The following MB21D2 variants were observed in gnomAD, a reference collection of about 807,000 sequenced individuals.
MB21D2 encodes the protein nucleotidyltransferase MB21D2.
In MB21D2, 9 loss-of-function variants were observed where a neutral mutation model predicts 33.3. That is an observed-to-expected ratio of 0.27 (90% CI 0.16 to 0.47). The LOEUF (loss-of-function observed/expected upper bound fraction) is 0.47. Ranked by LOEUF, MB21D2 falls within the 20% of genes least tolerant of loss-of-function variation. MB21D2 has a pLI of 0.99. For missense variants in MB21D2, 540 were observed against 624.6 expected, an observed-to-expected ratio of 0.86 and a Z score of 1.44; for synonymous variants, 241 against 236.3, an observed-to-expected ratio of 1.02 and a Z score of -0.18.
intron 1 of MB21D2, among the ~76,000 whole-genome samples, chr3:192,905,594 G>GC (rs1364330732): frequency 1.5e-5 from 2 of 131,234 alleles, no homozygotes; most frequent in East Asian, 2.3e-4. Context: ...CCGAGATCAA[G>GC]ACATTGCACT....
chr3:192,878,648 A>G (rs1484039144), intron 1 of MB21D2, among the ~76,000 whole-genome samples: 3 of 152,186 alleles, frequency 2.0e-5, no homozygotes, highest in Non-Finnish European at 2.9e-5. Context: ...CCTCGGCAAC[A>G]TGCTAGCCAT....
intron 1 of MB21D2, among the ~76,000 whole-genome samples, chr3:192,905,031 T>C (rs559176402): frequency 1.7e-4 from 26 of 152,312 alleles, no homozygotes; most frequent in East Asian, 1.9e-4. Flanking sequence ...AAGGGCACAG[T>C]TGAAAGAACA....
At chr3:192,853,032 C>CTCTCTG (rs1712841564) in intron 1 of MB21D2, among the ~76,000 whole-genome samples, 1 of 65,414 alleles carries the variant, frequency 1.5e-5, no homozygotes, top group African/African-American at 5.1e-5. Context: ...CTCTCTGTCT[C>CTCTCTG]TCTCTCTCTC....
rs1045732491 is a variant in MB21D2 at position 192,861,976 on chromosome 3, A to G, written c.211+55654T>C. On this transcript the variant is annotated intron_variant, in intron 1 of 1. Coordinates refer to ENST00000392452, the MANE Select transcript of MB21D2 (RefSeq NM_178496.4). Reference sequence around the variant, plus strand: ...GTACAGCAGAGTAAAATACAACCACACAAGAGCCAAGCCTTGGTCTTGTGG... The same window carrying G: ...GTACAGCAGAGTAAAATACAACCACGCAAGAGCCAAGCCTTGGTCTTGTGG... Among the ~76,000 whole-genome samples the G allele has an allele frequency of 3.3e-5, 5 of 152,332 alleles. No homozygotes were observed. The East Asian group carries it at 7.7e-4, about 23-fold the overall frequency.
intron 1 of MB21D2, among the ~76,000 whole-genome samples, chr3:192,860,026 TCA>T (rs1351081380): frequency 6.6e-6 from 1 of 152,214 alleles, no homozygotes; most frequent in Non-Finnish European, 1.5e-5. Flanking sequence ...GGGCCACCAC[TCA>T]CTCTCAGGAG....
intron 1 of MB21D2, among the ~76,000 whole-genome samples, chr3:192,842,128 G>A (rs990259998): frequency 2.7e-5 from 4 of 149,212 alleles, no homozygotes; most frequent in Admixed American, 2.0e-4. Context: ...TAAAACCAGA[G>A]GCAGAGAGGT....
At chr3:192,880,591 G>T (rs1302927157) in intron 1 of MB21D2, among the ~76,000 whole-genome samples, 1 of 152,008 alleles carries the variant, frequency 6.6e-6, no homozygotes, top group African/African-American at 2.4e-5. Context: ...AGTCCCCCAG[G>T]AAAAGCACGG....
Position 192,838,767 on chromosome 3 carries a change from C to A in MB21D2, c.212-39117G>T, listed in dbSNP as rs547302191. 3.2e-4 allele frequency among the ~76,000 whole-genome samples: 48 copies of A among 152,176 alleles called. 1 individual carries two copies. Among genetic ancestry groups the A allele is most frequent in the Non-Finnish European group, 5.0e-4 (34 of 68,038 alleles). ...TAAACCAGCATACTTTCCAATGTTT[C>A]TGTCATGCCAAGAATGAAGTAGAAA... On this transcript the variant is annotated intron_variant, in intron 1 of 1. Transcript: ENST00000392452.
chr3:192,824,437 A>G (rs1712124766), intron 1 of MB21D2, among the ~76,000 whole-genome samples: 1 of 152,060 alleles, frequency 6.6e-6, no homozygotes, highest in Admixed American at 6.6e-5. Context: ...TTTGAAGAAG[A>G]AAGGGATTCA....
At chr3:192,828,619 T>C (rs1170961796) in intron 1 of MB21D2, among the ~76,000 whole-genome samples, 764 of 16,346 alleles carry the variant, frequency 0.047, 126 homozygotes, top group Middle Eastern at 0.095. Context: ...TATATATATA[T>C]ATATATATAT....
chr3:192,870,860 C>A (rs1713280956), intron 1 of MB21D2, among the ~76,000 whole-genome samples: 1 of 151,990 alleles, frequency 6.6e-6, no homozygotes, highest in Admixed American at 6.6e-5. Context: ...TATATTATGA[C>A]CCAACTGGGA....
chr3:192,856,434 A>G (rs988532377), intron 1 of MB21D2, among the ~76,000 whole-genome samples: 1 of 152,216 alleles, frequency 6.6e-6, no homozygotes, highest in Non-Finnish European at 1.5e-5. Context: ...AGGAAACGGG[A>G]AATTAGGCAA....
chr3:192,820,288 T>G (rs2108615948), intron 1 of MB21D2, among the ~76,000 whole-genome samples: 1 of 151,992 alleles, frequency 6.6e-6, no homozygotes, highest in Admixed American at 6.5e-5. Flanking sequence ...AAAAGAAAAC[T>G]ATGACATTAT....
At position 192,887,686 on chromosome 3, in the gene MB21D2, C is replaced by T. The variant is rs1006381982; in HGVS notation, c.211+29944G>A. 5.3e-5 allele frequency among the ~76,000 whole-genome samples: 8 copies of T among 151,988 alleles called. 1 individual carries two copies. Among genetic ancestry groups the T allele is most frequent in the African/African-American group, 1.9e-4 (8 of 41,312 alleles). Reference sequence around the variant, plus strand: ...ATAAAGTTTTAAATAATGGCTTAGCCCAACAAAAAATATTTTTTCCCTTTA... The same window carrying T: ...ATAAAGTTTTAAATAATGGCTTAGCTCAACAAAAAATATTTTTTCCCTTTA... On this transcript the variant is annotated intron_variant, in intron 1 of 1. Coordinates refer to ENST00000392452, the MANE Select transcript of MB21D2 (RefSeq NM_178496.4).
intron 1 of MB21D2, among the ~76,000 whole-genome samples, chr3:192,910,585 G>C (rs1169047608): frequency 2.0e-5 from 3 of 152,140 alleles, no homozygotes; most frequent in African/African-American, 7.2e-5. Context: ...CATTCTACAA[G>C]TTTCAACTTA....
At chr3:192,878,103 G>GTTTTTTTTTTTTTTT (rs1296544101) in intron 1 of MB21D2, among the ~76,000 whole-genome samples, 7 of 134,224 alleles carry the variant, frequency 5.2e-5, no homozygotes, top group Non-Finnish European at 6.2e-5. Context: ...TTTTTTTTTG[G>GTTTTTTTTTTTTTTT]TTTTTTTTGT....
At chr3:192,815,977 C>G (rs769757235) in intron 1 of MB21D2, among the ~76,000 whole-genome samples, 1 of 152,140 alleles carries the variant, frequency 6.6e-6, no homozygotes, top group Non-Finnish European at 1.5e-5. Flanking sequence ...AAGTGTGGAG[C>G]TGACTTGGCA....
intron 1 of MB21D2, among the ~76,000 whole-genome samples, chr3:192,890,420 G>A (rs139009360): frequency 1.3e-5 from 2 of 152,098 alleles, no homozygotes; most frequent in Non-Finnish European, 2.9e-5. Context: ...TAAACAAAGA[G>A]CTTGTACTTG....
At chr3:192,835,456 A>T (rs1355316936) in intron 1 of MB21D2, among the ~76,000 whole-genome samples, 8 of 34,628 alleles carry the variant, frequency 2.3e-4, no homozygotes, top group Admixed American at 2.0e-3. Flanking sequence ...ACTCTGTCTC[A>T]AAAAAAAAAA....
Sources: gnomAD v4.1 joint callset for allele counts (sites outside exome capture counted in the v4.1 genomes callset) on GRCh38, gnomAD v4.1.1 for gene constraint, MANE v1.5 for transcripts, NCBI Gene and HGNC (gene_info 2026-07-23, HGNC 2026-07-21) for gene names.